Variants in PLS1 observed in about 807,000 individuals in gnomAD.
PLS1 encodes the protein plastin 1.
In PLS1, 32 loss-of-function variants were observed where a neutral mutation model predicts 73.7. That is an observed-to-expected ratio of 0.43 (90% CI 0.33 to 0.58). PLS1 has a LOEUF of 0.58. PLS1 is among the 20% of genes least tolerant of loss of function. The pLI is 0.04. For missense variants in PLS1, 633 were observed against 740.5 expected, an observed-to-expected ratio of 0.85 and a Z score of 1.68; for synonymous variants, 217 against 261.3, an observed-to-expected ratio of 0.83 and a Z score of 1.63.
chr3:142,665,341 T>C (rs1349657539), intron 2 of PLS1, among the ~76,000 whole-genome samples: 2 of 150,028 alleles, frequency 1.3e-5, no homozygotes, highest in African/African-American at 4.9e-5. Context: ...AGGAAGCTCA[T>C]GTTTTACAAA....
Position 142,627,626 on chromosome 3 carries a change from T to G in PLS1, c.-37+31117T>G, listed in dbSNP as rs2036457166. On this transcript the variant is annotated intron_variant, in intron 1 of 15. Transcript: ENST00000457734. ...ATGTTTGCTTTTTATGAGGCACAGC[T>G]GTTTATTGTTTGTTTTGCTTTTGAG... Among the ~76,000 whole-genome samples the G allele has an allele frequency of 2.0e-5, 3 of 152,240 alleles. No homozygotes were observed. The South Asian group carries it at 6.2e-4, about 32-fold the overall frequency.
chr3:142,658,752 T>C (rs1199012191), intron 1 of PLS1, among the ~76,000 whole-genome samples: 1 of 152,254 alleles, frequency 6.6e-6, no homozygotes, highest in Non-Finnish European at 1.5e-5. Flanking sequence ...GTTTTACTGA[T>C]GTATACATAT....
intron 1 of PLS1, chr3:142,645,385 G>T (rs2036933250): frequency 6.6e-6 from 1 of 152,216 alleles, no homozygotes; most frequent in Admixed American, 6.5e-5. Context: ...TCTGTAAAGA[G>T]TGAAAAACTT....
chr3:142,633,995 C>A (rs1031642495), intron 1 of PLS1, among the ~76,000 whole-genome samples: 2 of 151,910 alleles, frequency 1.3e-5, no homozygotes, highest in Admixed American at 1.3e-4. Context: ...TTTAAGAGAC[C>A]GAATTCAAAC....
chr3:142,648,454 G>A (rs1297609802), intron 1 of PLS1, among the ~76,000 whole-genome samples: 7 of 152,142 alleles, frequency 4.6e-5, no homozygotes, highest in Non-Finnish European at 1.0e-4. Flanking sequence ...TAAAAAAGAC[G>A]AGAAAATTCA....
In PLS1 at chr3:142,646,171, A is replaced by G. The variant is rs79331848; in HGVS notation, c.-36-18031A>G. Among the ~76,000 whole-genome samples the G allele has an allele frequency of 8.7e-4, 133 of 152,280 alleles. 1 individual carries two copies. In the Middle Eastern group the frequency reaches 0.031, roughly 35 times the overall value. On this transcript the variant is annotated intron_variant, in intron 1 of 15. Transcript: ENST00000457734. ...GTTGCTGTGAAGATTCGATGAGTCAATACATGTAGTACTTAGAACAGTGCT... is the reference window on the plus strand; with the variant it reads ...GTTGCTGTGAAGATTCGATGAGTCAGTACATGTAGTACTTAGAACAGTGCT...
chr3:142,643,825 A>AT (rs67216911), intron 1 of PLS1, among the ~76,000 whole-genome samples: 2,058 of 122,824 alleles, frequency 0.017, 57 homozygotes, highest in African/African-American at 0.057. Context: ...TCTTCATTTC[A>AT]TTTTTTTTTT....
Position 142,686,362 on chromosome 3 carries a change from C to T in PLS1, c.967C>T (p.Leu323Phe). 1 of 1,600,186 alleles carries T rather than the reference C, an allele frequency of 6.2e-7. No individual in the cohort carries two copies. Among genetic ancestry groups the T allele is most frequent in the Non-Finnish European group, 8.6e-7 (1 of 1,167,394 alleles). The change falls in exon 9 of 16, where the codon CTT becomes TTT. Residue 323 changes from leucine (L) to phenylalanine (F), a missense_variant. Transcript: ENST00000457734. ...GEDGPAIAID[L>F]SGINETNDLK... Reference sequence around the variant, plus strand: ...AGATGGACCTGCCATTGCCATTGACCTTTCAGGAATTAATGTGAGTGCAAT... The same window carrying T: ...AGATGGACCTGCCATTGCCATTGACTTTTCAGGAATTAATGTGAGTGCAAT...
intron 1 of PLS1, among the ~76,000 whole-genome samples, chr3:142,637,249 A>T (rs1018725793): frequency 8.5e-5 from 13 of 152,320 alleles, no homozygotes; most frequent in African/African-American, 2.9e-4. Flanking sequence ...AGATCTCAAA[A>T]TATTTATGCT....
chr3:142,665,644 A>G (rs1383858788), intron 2 of PLS1, among the ~76,000 whole-genome samples: 1 of 152,204 alleles, frequency 6.6e-6, no homozygotes, highest in East Asian at 1.9e-4. Flanking sequence ...TTGTAGCTTG[A>G]ATAAAAGTTC....
chr3:142,653,355 G>T (rs1168821635), intron 1 of PLS1, among the ~76,000 whole-genome samples: 2 of 139,738 alleles, frequency 1.4e-5, no homozygotes, highest in African/African-American at 2.7e-5. Context: ...GTTACAATTA[G>T]GTCAGAAACT....
intron 11 of PLS1, among the ~76,000 whole-genome samples, chr3:142,697,566 C>T (rs2038237487): frequency 6.6e-6 from 1 of 151,956 alleles, no homozygotes; most frequent in African/African-American, 2.4e-5. Flanking sequence ...ATGAAGTGTT[C>T]TGCCATTTTC....
At chr3:142,654,914 C>T (rs774463885) in intron 1 of PLS1, 2 of 151,908 alleles carry the variant, frequency 1.3e-5, no homozygotes, top group Non-Finnish European at 2.9e-5. Flanking sequence ...TTTTATTTGG[C>T]CCTTTGTTAT....
Position 142,671,247 on chromosome 3 carries a change from A to G in PLS1, c.364+125A>G. The G allele has an allele frequency of 3.7e-6, 3 of 802,888 alleles. No homozygotes were observed. The South Asian group carries it at 4.5e-5, about 12-fold the overall frequency. 49.7% of individuals were successfully genotyped at this position (802,888 alleles called of 1,614,324 possible). ...TTATTTTATGTGCCACTGAGGAGAA[A>G]AAAATACTGCAGACCACAGTATAAC... is the stretch of plus-strand genomic sequence containing the variant. On this transcript the variant is annotated intron_variant, in intron 4 of 15. Transcript: ENST00000457734.
At chr3:142,626,936 C>T (rs2036442712) in intron 1 of PLS1, among the ~76,000 whole-genome samples, 1 of 152,194 alleles carries the variant, frequency 6.6e-6, no homozygotes, top group Non-Finnish European at 1.5e-5. Flanking sequence ...ACTGTCCAGG[C>T]TCTTCTTTGT....
At chr3:142,664,924 G>T (rs1005361055) in intron 2 of PLS1, among the ~76,000 whole-genome samples, 4 of 149,858 alleles carry the variant, frequency 2.7e-5, no homozygotes, top group African/African-American at 9.8e-5. Flanking sequence ...CAATTCTTCT[G>T]CAATTTGCTC....
chr3:142,632,597 A>ATT lies in PLS1; in HGVS notation c.-36-31592_-36-31591dup, dbSNP rs71153982. On this transcript the variant is annotated intron_variant, in intron 1 of 15. Coordinates refer to ENST00000457734, the MANE Select transcript of PLS1 (RefSeq NM_001145319.2). ...TATATTTGAAAAAATTTAGAGCAGG[A>ATT]TTTTTTTTTTTTTTCCCCTGAGACG... Among the ~76,000 whole-genome samples the ATT allele has an allele frequency of 6.0e-3, 868 of 145,208 alleles. 8 individuals are homozygous for ATT. Among genetic ancestry groups the ATT allele is most frequent in the African/African-American group, 0.014 (538 of 39,342 alleles).
intron 1 of PLS1, among the ~76,000 whole-genome samples, chr3:142,629,742 G>A (rs929538861): frequency 1.3e-5 from 2 of 152,144 alleles, no homozygotes; most frequent in Non-Finnish European, 2.9e-5. Flanking sequence ...CTCAATAATG[G>A]GGAATAATTA....
chr3:142,648,840 C>A (rs1161438045), intron 1 of PLS1, among the ~76,000 whole-genome samples: 2 of 152,186 alleles, frequency 1.3e-5, no homozygotes, highest in Non-Finnish European at 2.9e-5. Context: ...TGCCACACAG[C>A]AAACTATAGT....
Sources: gnomAD v4.1 joint callset for allele counts (sites outside exome capture counted in the v4.1 genomes callset) on GRCh38, gnomAD v4.1.1 for gene constraint, MANE v1.5 for transcripts, NCBI Gene and HGNC (gene_info 2026-07-23, HGNC 2026-07-21) for gene names.